The following IGSF21 variants were observed in gnomAD, a reference collection of about 807,000 sequenced individuals.
IGSF21 encodes the protein immunoglobulin superfamily member 21.
Under a neutral mutation model 46.8 loss-of-function variants are expected in IGSF21, and 28 were observed. That is an observed-to-expected ratio of 0.60 (90% confidence interval 0.44 to 0.82). IGSF21 has a LOEUF of 0.82. Among genes scored for constraint, IGSF21 ranks in the 40% least tolerant of loss-of-function variants. The probability of loss-of-function intolerance (pLI) is 0.00; values close to 1 mark genes in which losing one functional copy is unlikely to be tolerated. For missense variants in IGSF21, 624 were observed against 665.5 expected (o/e 0.94, Z 0.69); for synonymous variants, 284 against 273.6 (o/e 1.04, Z -0.38).
In IGSF21 at chr1:18,108,098, G is replaced by A; in HGVS notation, c.-31G>A. ...CGCCGCCACCGCCTCCACCCCCGCC[G>A]CCCCGCCACCGCCGCCAGCTCCCGG... On this transcript the variant is annotated 5_prime_UTR_variant, in exon 1 of 10. Transcript: ENST00000251296. 2.6e-6 allele frequency: 3 copies of A among 1,141,960 alleles called. No individual in the cohort carries two copies. Among genetic ancestry groups the A allele is most frequent in the South Asian group, 1.7e-5 (1 of 58,408 alleles). 70.7% of individuals were successfully genotyped at this position (1,141,960 alleles called of 1,614,324 possible).
chr1:18,328,337 A>T (rs934415398), intron 3 of IGSF21, among the ~76,000 whole-genome samples: 1 of 152,220 alleles, frequency 6.6e-6, no homozygotes, highest in African/African-American at 2.4e-5. Context: ...CCATTTTGTA[A>T]TAAAGAGCTG....
chr1:18,151,086 G>T (rs2086518143), intron 1 of IGSF21, among the ~76,000 whole-genome samples: 1 of 152,184 alleles, frequency 6.6e-6, no homozygotes, highest in South Asian at 2.1e-4. Context: ...GAATACCTGA[G>T]CGTCCCAGGG....
chr1:18,257,428 C>A (rs1219163684), intron 2 of IGSF21, among the ~76,000 whole-genome samples: 1 of 152,078 alleles, frequency 6.6e-6, no homozygotes, highest in African/African-American at 2.4e-5. Flanking sequence ...ATATTTCCAC[C>A]TGTCATCTAA....
chr1:18,281,007 CTAA>C (rs1267670429), intron 2 of IGSF21, among the ~76,000 whole-genome samples: 1 of 152,210 alleles, frequency 6.6e-6, no homozygotes, highest in African/African-American at 2.4e-5. Flanking sequence ...GCACCTGCTG[CTAA>C]TGTTTCTCTC....
chr1:18,138,989 AGTGT>A (rs2086391174), intron 1 of IGSF21, among the ~76,000 whole-genome samples: 1 of 152,186 alleles, frequency 6.6e-6, no homozygotes, highest in South Asian at 2.1e-4. Context: ...AGTGCCAGCC[AGTGT>A]GCTTGGTCGT....
chr1:18,131,433 A>G (rs2086320928), intron 1 of IGSF21, among the ~76,000 whole-genome samples: 2 of 152,210 alleles, frequency 1.3e-5, no homozygotes, highest in Non-Finnish European at 2.9e-5. Context: ...AAGCTGTGTG[A>G]TGCTGGGCAA....
intron 1 of IGSF21, among the ~76,000 whole-genome samples, chr1:18,224,647 T>G (rs2084543642): frequency 6.6e-6 from 1 of 152,174 alleles, no homozygotes; most frequent in South Asian, 2.1e-4. Flanking sequence ...TCAATTAATT[T>G]GTTTTTCATG....
intron 1 of IGSF21, among the ~76,000 whole-genome samples, chr1:18,222,541 G>T (rs1046193694): frequency 1.3e-5 from 2 of 152,292 alleles, no homozygotes; most frequent in East Asian, 3.9e-4. Flanking sequence ...CCTGGACCAT[G>T]CTTTACCACT....
At chr1:18,163,190 A>G (rs1392083767) in intron 1 of IGSF21, among the ~76,000 whole-genome samples, 1 of 152,158 alleles carries the variant, frequency 6.6e-6, no homozygotes, top group Admixed American at 6.5e-5. Context: ...TTCCTAAACT[A>G]TAAAGGGAGA....
At chr1:18,356,642 C>T (rs534360753) in intron 4 of IGSF21, among the ~76,000 whole-genome samples, 1 of 152,334 alleles carries the variant, frequency 6.6e-6, no homozygotes, top group East Asian at 1.9e-4. Flanking sequence ...TGGGATCTAT[C>T]CCAGGCATAG....
intron 1 of IGSF21, among the ~76,000 whole-genome samples, chr1:18,123,574 G>A (rs997646669): frequency 5.9e-5 from 9 of 152,198 alleles, no homozygotes; most frequent in Non-Finnish European, 5.9e-5. Context: ...CCTAGGGAGA[G>A]TGCAGAAAAG....
intron 6 of IGSF21, among the ~76,000 whole-genome samples, chr1:18,374,086 C>CT (rs2086255720): frequency 6.6e-6 from 1 of 152,196 alleles, no homozygotes; most frequent in Non-Finnish European, 1.5e-5. Flanking sequence ...TCAGCGCCCT[C>CT]TCCTGGCTGC....
At chr1:18,233,021 G>A (rs1357193468) in intron 2 of IGSF21, among the ~76,000 whole-genome samples, 1 of 152,170 alleles carries the variant, frequency 6.6e-6, no homozygotes, top group Non-Finnish European at 1.5e-5. Context: ...AAAGCCGAAG[G>A]TCTGTTTATA....
At chr1:18,267,269 T>A (rs1039414823) in intron 2 of IGSF21, among the ~76,000 whole-genome samples, 1 of 152,198 alleles carries the variant, frequency 6.6e-6, no homozygotes, top group Non-Finnish European at 1.5e-5. Flanking sequence ...AGAGTCAATT[T>A]GTGTGGGCGT....
At chr1:18,346,289 T>C (rs1481927910) in intron 4 of IGSF21, among the ~76,000 whole-genome samples, 1 of 152,142 alleles carries the variant, frequency 6.6e-6, no homozygotes, top group Non-Finnish European at 1.5e-5. Context: ...CGCCCTCCAC[T>C]GTCTTGCTGT....
chr1:18,116,050 C>A (rs2086187705), intron 1 of IGSF21, among the ~76,000 whole-genome samples: 1 of 152,110 alleles, frequency 6.6e-6, no homozygotes, highest in Non-Finnish European at 1.5e-5. Flanking sequence ...TCCCCCTTTA[C>A]AGATGAGTAA....
At chr1:18,219,364 C>T (rs2084484232) in intron 1 of IGSF21, among the ~76,000 whole-genome samples, 1 of 152,150 alleles carries the variant, frequency 6.6e-6, no homozygotes, top group East Asian at 1.9e-4. Flanking sequence ...TCTTAGGAAG[C>T]TCAGGGGCCA....
Position 18,299,731 on chromosome 1 carries a change from G to A in IGSF21, c.305+7744G>A, listed in dbSNP as rs191513887. ...TCTCTCCCACCCAGAGTTCATCCAG[G>A]AGTGTGAATGAGAGAGAGTGGAATT... On this transcript the variant is annotated intron_variant, in intron 3 of 9. Coordinates refer to ENST00000251296, the MANE Select transcript of IGSF21 (RefSeq NM_032880.5). Among the ~76,000 whole-genome samples, 9 of 152,294 alleles carry A rather than the reference G, an allele frequency of 5.9e-5. No individual in the cohort carries two copies. In the East Asian group the frequency reaches 1.4e-3, roughly 23 times the overall value.
intron 3 of IGSF21, among the ~76,000 whole-genome samples, chr1:18,294,664 C>G (rs927930021): frequency 1.3e-5 from 2 of 152,232 alleles, no homozygotes; most frequent in African/African-American, 4.8e-5. Flanking sequence ...TCTTTTCTTC[C>G]CCACATGGGG....
Sources: allele counts gnomAD v4.1 joint callset (sites outside exome capture counted in the v4.1 genomes callset), GRCh38; gene constraint gnomAD v4.1.1; transcripts MANE v1.5; gene names NCBI Gene and HGNC (gene_info 2026-07-23, HGNC 2026-07-21).